SEMA3A: variants seen among roughly 807,000 people sequenced by gnomAD.
SEMA3A encodes semaphorin-3A.
SEMA3A carries 29 observed loss-of-function variants against 97.9 expected under a neutral mutation model. The observed-to-expected ratio is 0.30, with a 90% CI of 0.22 to 0.40. SEMA3A has a LOEUF of 0.40. Ranked by LOEUF, SEMA3A falls within the 10% of genes least tolerant of loss-of-function variation. SEMA3A has a pLI of 1.00. For synonymous variants in SEMA3A, 321 were observed against 323.7 expected (o/e 0.99, Z 0.09); for missense variants, 763 against 951.3 (o/e 0.80, Z 2.60).
At chr7:83,982,001 G>A (rs916762041) in intron 13 of SEMA3A, among the ~76,000 whole-genome samples, 1 of 152,042 alleles carries the variant, frequency 6.6e-6, no homozygotes, top group Non-Finnish European at 1.5e-5. Flanking sequence ...ACCAAGAACT[G>A]TCTTACCCTT....
chr7:84,250,850 TA>T (rs1196350715), intron 3 of SEMA3A, among the ~76,000 whole-genome samples: 7 of 152,314 alleles, frequency 4.6e-5, no homozygotes, highest in Middle Eastern at 6.8e-3. Context: ...ATCATTTGCT[TA>T]AAAAAATCTA....
intron 1 of SEMA3A, among the ~76,000 whole-genome samples, chr7:84,386,160 T>C (rs907294315): frequency 2.6e-5 from 4 of 152,172 alleles, no homozygotes; most frequent in African/African-American, 9.7e-5. Context: ...TAAAATAACA[T>C]CTCACTTCTG....
chr7:84,439,480 G>C (rs2116336749), intron 1 of SEMA3A, among the ~76,000 whole-genome samples: 1 of 152,238 alleles, frequency 6.6e-6, no homozygotes, highest in African/African-American at 2.4e-5. Flanking sequence ...TTAAGCATAA[G>C]CAAGGCAGCA....
chr7:84,404,182 T>C (rs1349923503), intron 1 of SEMA3A, among the ~76,000 whole-genome samples: 2 of 152,046 alleles, frequency 1.3e-5, no homozygotes, highest in South Asian at 2.1e-4. Flanking sequence ...GAATAAACAG[T>C]GCAGAGAAGT....
chr7:84,240,582 C>A (rs1044389080), intron 3 of SEMA3A, among the ~76,000 whole-genome samples: 1 of 152,130 alleles, frequency 6.6e-6, no homozygotes, highest in Non-Finnish European at 1.5e-5. Flanking sequence ...TCCCTTAGAG[C>A]CTCGCAAAGA....
chr7:84,413,167 G>T (rs1804320245), intron 1 of SEMA3A, among the ~76,000 whole-genome samples: 1 of 152,024 alleles, frequency 6.6e-6, no homozygotes, highest in African/African-American at 2.4e-5. Flanking sequence ...CTTCATAACT[G>T]ATGCAGTTAT....
chr7:84,395,419 A>G (rs915029332), intron 1 of SEMA3A, among the ~76,000 whole-genome samples: 2 of 152,052 alleles, frequency 1.3e-5, no homozygotes, highest in Non-Finnish European at 2.9e-5. Context: ...AACATCATAT[A>G]TTAACTATCT....
At position 84,399,468 on chromosome 7, in the gene SEMA3A, A is replaced by G. The variant is rs371594283; in HGVS notation, c.-245-27568T>C. On this transcript the variant is annotated intron_variant, in intron 1 of 3. Coordinates refer to the SEMA3A transcript ENST00000424555. ...AGCTGCAGTGGCCATGGGAGAGCCT[A>G]TGCCACCCCTCCCCCAATGCCAGAC... Among the ~76,000 whole-genome samples the G allele has an allele frequency of 7.0e-4, 106 of 152,246 alleles. 1 individual carries two copies. Among genetic ancestry groups the G allele is most frequent in the African/African-American group, 2.4e-3 (98 of 41,546 alleles).
chr7:84,282,979 A>G (rs1405774730), intron 3 of SEMA3A, among the ~76,000 whole-genome samples: 2 of 152,130 alleles, frequency 1.3e-5, no homozygotes, highest in Non-Finnish European at 2.9e-5. Context: ...ACACCACTGC[A>G]CTCTAGCCTG....
At chr7:84,480,906 A>G (rs577319228) in intron 1 of SEMA3A, among the ~76,000 whole-genome samples, 1 of 152,258 alleles carries the variant, frequency 6.6e-6, no homozygotes, top group Non-Finnish European at 1.5e-5. Context: ...AATAAAATAA[A>G]TAAATAAAGA....
chr7:84,391,200 A>T (rs1371413017), intron 1 of SEMA3A, among the ~76,000 whole-genome samples: 1 of 152,240 alleles, frequency 6.6e-6, no homozygotes, highest in African/African-American at 2.4e-5. Context: ...AGACTCAATT[A>T]TAAGCCATGC....
chr7:84,457,621 A>T (rs940110808), intron 1 of SEMA3A, among the ~76,000 whole-genome samples: 1 of 152,160 alleles, frequency 6.6e-6, no homozygotes, highest in Non-Finnish European at 1.5e-5. Flanking sequence ...ATTAAAAAAC[A>T]TAATATCAAA....
At chr7:83,989,966 C>A (rs1169007232) in intron 12 of SEMA3A, among the ~76,000 whole-genome samples, 1 of 151,872 alleles carries the variant, frequency 6.6e-6, no homozygotes, top group Admixed American at 6.6e-5. Context: ...TCTCCACATC[C>A]TCTCCAGCAC....
chr7:84,423,937 A>T (rs1279752817), intron 1 of SEMA3A, among the ~76,000 whole-genome samples: 1 of 151,992 alleles, frequency 6.6e-6, no homozygotes, highest in East Asian at 1.9e-4. Context: ...TTAAAACCAC[A>T]ATGAGATAAC....
At chr7:84,045,274 C>G (rs59636011) in intron 6 of SEMA3A, among the ~76,000 whole-genome samples, 20,074 of 151,816 alleles carry the variant, frequency 0.13, 1,621 homozygotes, top group East Asian at 0.38. Context: ...GACTATAAAC[C>G]ATAAGCCTCT....
At chr7:84,049,040 C>T (rs1792479277) in intron 5 of SEMA3A, among the ~76,000 whole-genome samples, 2 of 151,996 alleles carry the variant, frequency 1.3e-5, no homozygotes, top group South Asian at 4.1e-4. Flanking sequence ...TTTTATTTCT[C>T]TTTTCACAAA....
upstream of SEMA3A, among the ~76,000 whole-genome samples, chr7:84,196,673 A>G (rs1798240219): frequency 6.6e-6 from 1 of 152,188 alleles, no homozygotes. Context: ...AAGGCTACAA[A>G]TGACAAGAGG....
At chr7:84,181,653 T>C (rs1021534832) in intron 1 of SEMA3A, among the ~76,000 whole-genome samples, 1 of 152,180 alleles carries the variant, frequency 6.6e-6, no homozygotes, top group African/African-American at 2.4e-5. Context: ...AAAACACTAG[T>C]AGTTTTACAA....
At chr7:84,177,650 G>A (rs1797611240) in intron 1 of SEMA3A, among the ~76,000 whole-genome samples, 1 of 152,012 alleles carries the variant, frequency 6.6e-6, no homozygotes, top group Non-Finnish European at 1.5e-5. Context: ...CTCTACAAAA[G>A]TATAAATAAT....
Sources: allele counts gnomAD v4.1 joint callset (sites outside exome capture counted in the v4.1 genomes callset), GRCh38; gene constraint gnomAD v4.1.1; transcripts MANE v1.5; gene names NCBI Gene and HGNC (gene_info 2026-07-23, HGNC 2026-07-21).